The following PLEKHA5 variants were observed in gnomAD, a reference collection of about 807,000 sequenced individuals.
PLEKHA5 encodes pleckstrin homology domain containing A5.
Under a neutral mutation model 181.9 loss-of-function variants are expected in PLEKHA5, and 55 were observed. The ratio of observed to expected loss-of-function variants is 0.30; its 90% CI spans 0.24 to 0.38. The LOEUF (loss-of-function observed/expected upper bound fraction) is 0.38. Ranked by LOEUF, PLEKHA5 falls within the 10% of genes least tolerant of loss-of-function variation. The pLI is 1.00. For synonymous variants in PLEKHA5, 535 were observed against 529.4 expected (o/e 1.01, Z -0.15); for missense variants, 1,432 against 1,549.5 (o/e 0.92, Z 1.27).
chr12:19,319,463 G>A (rs1405720842), intron 16 of PLEKHA5, among the ~76,000 whole-genome samples: 1 of 152,076 alleles, frequency 6.6e-6, no homozygotes, highest in Non-Finnish European at 1.5e-5. Context: ...TAACTGTCAA[G>A]CAGTTTCTTT....
chr12:19,278,542 C>T (rs2075221061), intron 11 of PLEKHA5, among the ~76,000 whole-genome samples: 1 of 152,062 alleles, frequency 6.6e-6, no homozygotes, highest in South Asian at 2.1e-4. Flanking sequence ...ACCAAACAAA[C>T]CAAGGTGTGT....
intron 15 of PLEKHA5, chr12:19,307,057 T>G (rs1461920927): frequency 2.8e-6 from 4 of 1,411,012 alleles, no homozygotes; most frequent in Non-Finnish European, 4.0e-6. Context: ...TGGAGCAAAC[T>G]TGAACTCAAT....
intron 3 of PLEKHA5, among the ~76,000 whole-genome samples, chr12:19,222,086 C>T (rs1056023906): frequency 6.6e-5 from 10 of 151,940 alleles, no homozygotes; most frequent in Non-Finnish European, 1.5e-4. Flanking sequence ...AGCAACATAA[C>T]GAGACCCCCG....
intron 3 of PLEKHA5, among the ~76,000 whole-genome samples, chr12:19,148,756 T>C (rs1324290705): frequency 6.6e-6 from 1 of 152,176 alleles, no homozygotes; most frequent in Non-Finnish European, 1.5e-5. Flanking sequence ...TTCTCAGAAA[T>C]AGTTCACTGA....
At chr12:19,296,348 A>G (rs1258546940) in intron 15 of PLEKHA5, among the ~76,000 whole-genome samples, 1 of 152,028 alleles carries the variant, frequency 6.6e-6, no homozygotes, top group African/African-American at 2.4e-5. Flanking sequence ...GGATTCCGAG[A>G]CCAGCCTGGG....
intron 30 of PLEKHA5, among the ~76,000 whole-genome samples, chr12:19,367,628 G>A (rs207472704): frequency 6.6e-6 from 1 of 151,834 alleles, no homozygotes; most frequent in Non-Finnish European, 1.5e-5. Context: ...TGCCCAGGCT[G>A]GAGTGCAGTG....
chr12:19,184,541 G>A (rs989242060), intron 3 of PLEKHA5, among the ~76,000 whole-genome samples: 3 of 152,282 alleles, frequency 2.0e-5, no homozygotes, highest in Middle Eastern at 3.4e-3. Flanking sequence ...CCGGTGAGTA[G>A]GGTGCTGTGA....
chr12:19,222,838 C>G (rs1365466422), intron 3 of PLEKHA5, among the ~76,000 whole-genome samples: 1 of 152,018 alleles, frequency 6.6e-6, no homozygotes, highest in Non-Finnish European at 1.5e-5. Flanking sequence ...AAGACATTCA[C>G]TCGATTGAAC....
At chr12:19,291,292 T>C (rs1406885151) in intron 14 of PLEKHA5, among the ~76,000 whole-genome samples, 2 of 152,314 alleles carry the variant, frequency 1.3e-5, no homozygotes, top group South Asian at 4.1e-4. Flanking sequence ...GGTTTATAGC[T>C]CTGGTTATAT....
chr12:19,253,910 T>C (rs71539458), intron 3 of PLEKHA5, 30 bp from the exon 4 acceptor site: 82,168 of 1,186,836 alleles, frequency 0.069, 3,155 homozygotes, highest in Middle Eastern at 0.12. Context: ...AATACCTGCA[T>C]GTTCTGTTTT....
At position 19,359,267 on chromosome 12, in the gene PLEKHA5, A is replaced by C. The variant is rs141111518; in HGVS notation, c.3349-145A>C. On this transcript the variant is annotated intron_variant, in intron 27 of 31. Coordinates refer to ENST00000429027, the MANE Select transcript of PLEKHA5 (RefSeq NM_001256470.2). Reference sequence around the variant, plus strand: ...TGTGTGGAATAGTGCTATATATATAAATTTTCTTTGTTAGTTTTCATAGGA... The same window carrying C: ...TGTGTGGAATAGTGCTATATATATACATTTTCTTTGTTAGTTTTCATAGGA... The C allele has an allele frequency of 9.5e-5, 58 of 608,254 alleles. No individual in the cohort carries two copies. The African/African-American group carries it at 9.7e-4, about 10-fold the overall frequency. 37.7% of individuals were successfully genotyped at this position (608,254 alleles called of 1,614,324 possible).
chr12:19,340,434 C>CCCTACTGGGAAGTGAGG (rs1555167432), intron 21 of PLEKHA5, among the ~76,000 whole-genome samples: 21 of 125,252 alleles, frequency 1.7e-4, no homozygotes, highest in Non-Finnish European at 3.2e-4. Flanking sequence ...GCCCGGCCAC[C>CCCTACTGGGAAGTGAGG]ACCCCGTCTG....
At chr12:19,132,773 CTT>C (rs59992820) in intron 3 of PLEKHA5, among the ~76,000 whole-genome samples, 103 of 112,110 alleles carry the variant, frequency 9.2e-4, no homozygotes, top group African/African-American at 3.2e-3. Flanking sequence ...CCACAATTAC[CTT>C]TTTTTTTTTT....
At chr12:19,222,313 T>C (rs1173702410) in intron 3 of PLEKHA5, among the ~76,000 whole-genome samples, 1 of 152,164 alleles carries the variant, frequency 6.6e-6, no homozygotes, top group Non-Finnish European at 1.5e-5. Flanking sequence ...TCCTAGTGTC[T>C]GTAATTTCTG....
chr12:19,203,667 T>G, intron 3 of PLEKHA5, among the ~76,000 whole-genome samples: 1 of 152,134 alleles, frequency 6.6e-6, no homozygotes. Context: ...AAAGCACCTG[T>G]CTTTTGCTGT....
At chr12:19,259,601 A>AG (rs2152580654) in intron 6 of PLEKHA5, among the ~76,000 whole-genome samples, 1 of 152,182 alleles carries the variant, frequency 6.6e-6, no homozygotes, top group South Asian at 2.1e-4. Flanking sequence ...AAATACAAAA[A>AG]TTAGCCAGCT....
intron 3 of PLEKHA5, among the ~76,000 whole-genome samples, chr12:19,242,582 A>C (rs528071073): frequency 3.3e-5 from 5 of 152,316 alleles, no homozygotes; most frequent in African/African-American, 1.2e-4. Context: ...TTTATTTAAG[A>C]GAGCTTTTAA....
intron 15 of PLEKHA5, among the ~76,000 whole-genome samples, chr12:19,299,771 A>T (rs187830034): frequency 6.6e-6 from 1 of 152,292 alleles, no homozygotes; most frequent in Non-Finnish European, 1.5e-5. Flanking sequence ...GCTGAAATTG[A>T]AATTAGGTCC....
chr12:19,352,274 A>G (rs189554545), intron 25 of PLEKHA5, among the ~76,000 whole-genome samples: 1 of 151,250 alleles, frequency 6.6e-6, no homozygotes, highest in East Asian at 2.0e-4. Context: ...AGTCCCACCT[A>G]CTCAGGAGGC....
Sources: allele counts gnomAD v4.1 joint callset (sites outside exome capture counted in the v4.1 genomes callset), GRCh38; gene constraint gnomAD v4.1.1; transcripts MANE v1.5; gene names NCBI Gene and HGNC (gene_info 2026-07-23, HGNC 2026-07-21).